Variants in GALNT13 observed in about 807,000 individuals in gnomAD.
GALNT13 encodes the protein UDP-GalNAc:polypeptide N-acetylgalactosaminyltransferase 13.
A neutral mutation model predicts 64.2 loss-of-function variants in GALNT13; 28 were observed. The ratio of observed to expected loss-of-function variants is 0.44; its 90% CI spans 0.32 to 0.60. GALNT13 has a LOEUF of 0.60. Ranked by LOEUF, GALNT13 falls within the 20% of genes least tolerant of loss-of-function variation. The pLI is 0.05. For synonymous variants in GALNT13, 214 were observed against 224.6 expected (o/e 0.95, Z 0.42); for missense variants, 577 against 669.8 (o/e 0.86, Z 1.53).
chr2:153,704,563 G>A, the GALNT13 span, among the ~76,000 whole-genome samples: 2 of 152,028 alleles, frequency 1.3e-5, no homozygotes, highest in South Asian at 4.1e-4. Context: ...TAAAGCTTTG[G>A]AGCTTATTGC....
chr2:153,940,477 G>C (rs949642842), intron 2 of GALNT13, among the ~76,000 whole-genome samples: 1 of 151,784 alleles, frequency 6.6e-6, no homozygotes, highest in Non-Finnish European at 1.5e-5. Flanking sequence ...GGCTGGTTTC[G>C]AACTCCTTAC....
At chr2:154,402,478 C>T (rs1699343589) in intron 10 of GALNT13, among the ~76,000 whole-genome samples, 1 of 152,108 alleles carries the variant, frequency 6.6e-6, no homozygotes. Flanking sequence ...TGTTTTCAAG[C>T]AATAAAAGAT....
the GALNT13 span, among the ~76,000 whole-genome samples, chr2:153,209,183 T>A: frequency 6.6e-6 from 1 of 151,918 alleles, no homozygotes; most frequent in East Asian, 1.9e-4. Flanking sequence ...GGTTTCACCA[T>A]GTTAGCCAGG....
chr2:153,116,666 C>G, the GALNT13 span, among the ~76,000 whole-genome samples: 12 of 151,968 alleles, frequency 7.9e-5, no homozygotes, highest in Admixed American at 5.9e-4. Context: ...ATAGGAATGC[C>G]AGGCTTTGAT....
the GALNT13 span, among the ~76,000 whole-genome samples, chr2:153,195,966 C>T: frequency 1.3e-5 from 2 of 152,120 alleles, no homozygotes; most frequent in Non-Finnish European, 2.9e-5. Flanking sequence ...GAGGGTTCAG[C>T]TCTTAGCAGA....
chr2:153,408,627 G>A, the GALNT13 span, among the ~76,000 whole-genome samples: 3 of 151,908 alleles, frequency 2.0e-5, no homozygotes, highest in African/African-American at 7.3e-5. Flanking sequence ...CCCACAGTTG[G>A]TGTTTTTTGT....
chr2:154,256,430 T>C (rs1214843819), intron 7 of GALNT13, among the ~76,000 whole-genome samples: 1 of 152,116 alleles, frequency 6.6e-6, no homozygotes, highest in African/African-American at 2.4e-5. Context: ...TAAGGAACCA[T>C]AATCACCAAT....
At chr2:154,374,740 A>G (rs975165044) in intron 9 of GALNT13, among the ~76,000 whole-genome samples, 4 of 152,212 alleles carry the variant, frequency 2.6e-5, no homozygotes, top group Non-Finnish European at 4.4e-5. Context: ...TGTTGATTCC[A>G]TATTGAGGTT....
intron 4 of GALNT13, among the ~76,000 whole-genome samples, chr2:154,185,347 A>T (rs554860618): frequency 8.2e-4 from 124 of 152,108 alleles, no homozygotes; most frequent in African/African-American, 2.9e-3. Flanking sequence ...TTCTCAACTA[A>T]TTGGAATTCT....
chr2:153,279,784 C>T, the GALNT13 span, among the ~76,000 whole-genome samples: 2 of 151,828 alleles, frequency 1.3e-5, no homozygotes, highest in Non-Finnish European at 2.9e-5. Context: ...AGAATTTTTG[C>T]GTCTATGTTC....
intron 4 of GALNT13, among the ~76,000 whole-genome samples, chr2:154,145,747 A>G (rs1279140419): frequency 3.3e-5 from 5 of 152,018 alleles, no homozygotes; most frequent in African/African-American, 1.2e-4. Flanking sequence ...CTCAAAGGAC[A>G]AAGAATTTAT....
At chr2:153,128,443 C>A in the GALNT13 span, among the ~76,000 whole-genome samples, 3 of 152,052 alleles carry the variant, frequency 2.0e-5, no homozygotes, top group East Asian at 1.9e-4. Flanking sequence ...AAAGACCCAC[C>A]CCATGATTCA....
At chr2:153,512,916 C>G in the GALNT13 span, among the ~76,000 whole-genome samples, 1 of 152,156 alleles carries the variant, frequency 6.6e-6, no homozygotes, top group African/African-American at 2.4e-5. Flanking sequence ...ATATGATATA[C>G]ATTAGGTTTC....
chr2:153,695,736 TGGAA>T, the GALNT13 span, among the ~76,000 whole-genome samples: 4 of 151,770 alleles, frequency 2.6e-5, no homozygotes, highest in African/African-American at 7.3e-5. Context: ...TTAACTAAAT[TGGAA>T]GGAATAAACA....
At chr2:153,353,450 T>C in the GALNT13 span, among the ~76,000 whole-genome samples, 1 of 152,154 alleles carries the variant, frequency 6.6e-6, no homozygotes, top group Non-Finnish European at 1.5e-5. Context: ...GTTTTCTTTT[T>C]TGTCTTATTG....
At chr2:153,818,510 C>T in the GALNT13 span, among the ~76,000 whole-genome samples, 4 of 152,310 alleles carry the variant, frequency 2.6e-5, no homozygotes, top group East Asian at 5.8e-4. Flanking sequence ...TGTGTGACCC[C>T]TGCCCCAGCT....
At chr2:153,814,308 C>T in the GALNT13 span, among the ~76,000 whole-genome samples, 3 of 152,106 alleles carry the variant, frequency 2.0e-5, no homozygotes, top group African/African-American at 7.2e-5. Flanking sequence ...GGCGCGGTGG[C>T]GGGCGCCTGT....
At chr2:153,224,438 A>G in the GALNT13 span, among the ~76,000 whole-genome samples, 733 of 152,300 alleles carry the variant, frequency 4.8e-3, 10 homozygotes, top group Non-Finnish European at 6.3e-3. Flanking sequence ...GCATCACACA[A>G]TATACTCAGG....
At chr2:153,135,904 C>T in the GALNT13 span, among the ~76,000 whole-genome samples, 3 of 151,784 alleles carry the variant, frequency 2.0e-5, no homozygotes, top group Admixed American at 2.0e-4. Flanking sequence ...AATAAAATAA[C>T]CCTCACAAAA....
Sources: gnomAD v4.1 joint callset for allele counts (sites outside exome capture counted in the v4.1 genomes callset) on GRCh38, gnomAD v4.1.1 for gene constraint, MANE v1.5 for transcripts, NCBI Gene and HGNC (gene_info 2026-07-23, HGNC 2026-07-21) for gene names.